IFT172: variants seen among roughly 807,000 people sequenced by gnomAD.
IFT172 encodes intraflagellar transport protein 172 homolog.
IFT172 carries 164 observed loss-of-function variants against 248.9 expected under a neutral mutation model. The observed-to-expected ratio is 0.66, with a 90% CI of 0.58 to 0.75. The LOEUF (loss-of-function observed/expected upper bound fraction) is 0.75. Ranked by LOEUF, IFT172 falls within the 30% of genes least tolerant of loss-of-function variation. The pLI, the probability that IFT172 is intolerant of heterozygous loss-of-function variation, is 0.00. For missense variants in IFT172, 1,950 were observed against 2,192.4 expected (o/e 0.89, Z 2.21); for synonymous variants, 729 against 791.6 (o/e 0.92, Z 1.33).
chr2:27,450,886 C>T (rs544789731), intron 35 of IFT172, among the ~76,000 whole-genome samples: 1 of 152,104 alleles, frequency 6.6e-6, no homozygotes, highest in East Asian at 1.9e-4. Context: ...ACCACTGCGC[C>T]CAGATGAAAT....
At chr2:27,456,331 T>C (rs1350337413) in intron 30 of IFT172, among the ~76,000 whole-genome samples, 180 bp downstream of exon 30, 2 of 152,240 alleles carry the variant, frequency 1.3e-5, no homozygotes, top group African/African-American at 2.4e-5. Context: ...CCACCCTTCT[T>C]AGAACAGCCA....
Position 27,445,162 on chromosome 2 carries a change from A to G in IFT172, c.5069-57T>C. 1 of 1,607,528 alleles carries G rather than the reference A, an allele frequency of 6.2e-7. No individual in the cohort carries two copies. The highest frequency in any genetic ancestry group is 1.7e-5 in the Admixed American group (1 of 59,142). On this transcript the variant is annotated intron_variant, in intron 46 of 47. Transcript: ENST00000260570. The surrounding 1 kb of genome is among the most constrained non-coding windows in gnomAD (Gnocchi z 4.4). ...TTTGAGAGAGATTGAGGAGGGAAAA[A>G]TGAGGAGCAGCCTGGGGGGTAGAAA...
rs202089120 is a variant in IFT172, at chr2:27,461,793, C to G, written c.2159G>C (p.Arg720Pro). Reference protein sequence around the residue: ...EAMGMYQELHRWDECIAVAEA... With the variant: ...EAMGMYQELHPWDECIAVAEA... ...AGCCACAGCGATACACTCATCCCAA[C>G]GGTGTAGCTCCTGGTACATGCCCAT... The change falls in exon 21 of 48, where the codon CGT (arginine) becomes CCT (proline). Residue 720 changes from arginine to proline, a missense_variant. Arg to Pro is a moderately radical substitution (Grantham distance 103). This residue lies in a region of IFT172 where 1,166 missense variants were observed against 1,254.1 expected (regional missense o/e 0.93). Transcript: ENST00000260570. 1 of 1,614,180 alleles carries G rather than the reference C, an allele frequency of 6.2e-7. No homozygotes were observed. Among genetic ancestry groups the G allele is most frequent in the Non-Finnish European group, 8.5e-7 (1 of 1,180,038 alleles).
Position 27,459,487 on chromosome 2 carries a change from G to C in IFT172, c.2678C>G (p.Ala893Gly), listed in dbSNP as rs772910546. The change falls in exon 25 of 48, where the codon GCC becomes GGC. Residue 893 changes from alanine (A) to glycine (G), a missense_variant. Physicochemically the swap from Ala to Gly is moderately conservative, Grantham distance 60. Around this residue, in one of 3 missense-constraint regions of IFT172, gnomAD observed 1,166 missense variants for 1,254.1 expected, o/e 0.93. Transcript: ENST00000260570. ...SIKAIEAALG[A>G]RQWKKAIYIL... is the part of the protein sequence containing the mutation. ...ATAAATTGCCTTCTTCCACTGGCGG[G>C]CACCCAGGGCGGCCTCAATTGCCTT... is the stretch of plus-strand genomic sequence containing the variant. 1 of 1,614,158 alleles carries C rather than the reference G, an allele frequency of 6.2e-7. No individual in the cohort carries two copies. Among genetic ancestry groups the C allele is most frequent in the East Asian group, 2.2e-5 (1 of 44,886 alleles).
At chr2:27,455,195 A>G (rs756975207) in intron 30 of IFT172, 10 of 325,234 alleles carry the variant, frequency 3.1e-5, no homozygotes, top group Non-Finnish European at 5.9e-5. Flanking sequence ...GCTCAAGAGC[A>G]TCAACAATGC....
At chr2:27,489,020 G>C (rs1668968611) in intron 1 of IFT172, among the ~76,000 whole-genome samples, 1 of 152,230 alleles carries the variant, frequency 6.6e-6, no homozygotes. Flanking sequence ...CTGGGCAACA[G>C]AGCAAAACTC....
At chr2:27,471,287 T>C (rs1667554561) in intron 15 of IFT172, 192 bp from the exon 16 acceptor site, 2 of 492,086 alleles carry the variant, frequency 4.1e-6, no homozygotes, top group Admixed American at 4.1e-5. Context: ...AGATGACCCA[T>C]AGAACAAAGA....
At chr2:27,465,292 G>A (rs1317046097) in intron 18 of IFT172, 119 bp downstream of exon 18, 3 of 782,490 alleles carry the variant, frequency 3.8e-6, no homozygotes, top group Admixed American at 1.9e-5. Flanking sequence ...TATGCTATTT[G>A]CTGGCAGTGG....
chr2:27,455,111 C>CT (rs1666042485), intron 30 of IFT172: 1 of 272,782 alleles, frequency 3.7e-6, no homozygotes, highest in Non-Finnish European at 7.2e-6. Context: ...ATAACAGTAG[C>CT]TTGAGAACAC....
At chr2:27,450,842 G>A (rs1180438836) in intron 35 of IFT172, among the ~76,000 whole-genome samples, 1 of 151,968 alleles carries the variant, frequency 6.6e-6, no homozygotes. Flanking sequence ...TCTGCCCACC[G>A]TGGCCTCCCA....
Position 27,477,408 on chromosome 2 carries a change from C to T in IFT172, c.1222-88G>A, listed in dbSNP as rs1668036696. The T allele has an allele frequency of 5.4e-6, 7 of 1,286,518 alleles. No individual in the cohort carries two copies. In the East Asian group the frequency reaches 1.2e-4, roughly 21 times the overall value. The allele number at this position is 1,286,518 out of a possible 1,614,324, so 79.7% of individuals were successfully genotyped here. ...TGTACTGTCAGTTCAAGGTGACTAC[C>T]ACTTTTCTCCTTGTTCTCTTACCCT... is the stretch of plus-strand genomic sequence containing the variant. On this transcript the variant is annotated intron_variant, in intron 12 of 47. Coordinates refer to ENST00000260570, the MANE Select transcript of IFT172 (RefSeq NM_015662.3).
At chr2:27,449,067 G>A in intron 39 of IFT172, 36 bp from the exon 40 acceptor site, 1 of 1,291,838 alleles carries the variant, frequency 7.7e-7, no homozygotes, top group Non-Finnish European at 1.1e-6. Context: ...GAGTGAGGCT[G>A]GGATCGGCAA....
intron 35 of IFT172, chr2:27,453,154 T>C: frequency 5.9e-6 from 4 of 673,138 alleles, no homozygotes; most frequent in Non-Finnish European, 8.4e-6. Flanking sequence ...AATTGAGCCA[T>C]TTATTGGTCT....
chr2:27,479,472 G>C (rs780114), intron 10 of IFT172, 37 bp downstream of exon 10: 3 of 1,154,668 alleles, frequency 2.6e-6, no homozygotes, highest in Middle Eastern at 1.9e-4. Flanking sequence ...AATGAGCCAC[G>C]CAAGTTCTCA....
intron 1 of IFT172, chr2:27,486,267 C>G (rs1302280910): frequency 6.0e-6 from 1 of 167,110 alleles, no homozygotes; most frequent in African/African-American, 2.4e-5. Context: ...AAGGGAGAGA[C>G]AGTGAGAGTT....
At chr2:27,472,451 G>A (rs1667643804) in intron 14 of IFT172, 89 bp from the exon 15 acceptor site, 2 of 978,564 alleles carry the variant, frequency 2.0e-6, no homozygotes, top group South Asian at 3.1e-5. Context: ...AGGATGCCTA[G>A]GAAGCTAGGT....
In IFT172 at chr2:27,478,136, T is replaced by C; in HGVS notation, c.1026A>G (p.Ser342=). ...ACTTGAGCACCACTCGGGTTCCTGA[T>C]GACAGGTTCTTCACAATCACCTTGG... ...GPSQVIVKNL[S]SGTRVVLKSH... The change falls in exon 11 of 48, where the codon TCA becomes TCG. Residue 342 remains serine (S), a synonymous_variant. Coordinates refer to ENST00000260570, the MANE Select transcript of IFT172 (RefSeq NM_015662.3). 6.2e-7 allele frequency: 1 copy of C among 1,614,188 alleles called. No homozygotes were observed. Among genetic ancestry groups the C allele is most frequent in the Non-Finnish European group, 8.5e-7 (1 of 1,180,034 alleles).
In IFT172 at chr2:27,476,714, A is replaced by G. The variant is rs61743327; in HGVS notation, c.1338T>C (p.Asn446=). 2,109 of 1,610,372 alleles carry G rather than the reference A, an allele frequency of 1.3e-3. 22 individuals carry two copies. The African/African-American group carries it at 0.025, about 19-fold the overall frequency. ...CTTCTGTTCCTCGCTGACACCTCTC[A>G]TTAATACGAACACTGAAACATGAAG... ...MNPHLISVRI[N]ERCQRGTEDN... is the part of the protein sequence containing the mutation. The change falls in exon 14 of 48, where the codon AAT becomes AAC. Residue 446 remains asparagine, a synonymous_variant. Coordinates refer to ENST00000260570, the MANE Select transcript of IFT172 (RefSeq NM_015662.3).
At position 27,461,490 on chromosome 2, in the gene IFT172, G is replaced by A. The variant is rs984586780; in HGVS notation, c.2221C>T (p.Arg741Cys). ...KGHPALEKLR[R>C]SYYQWLMDTQ... ...TCCATCAGCCACTGGTAGTAACTAC[G>A]ACGTAGCTTCTCCAGGGCTGGGTGC... Residue 741 changes from arginine to cysteine, a missense_variant, in exon 22 of 48, where the codon CGT becomes TGT. By Grantham distance (180) the Arg-to-Cys change is radical (BLOSUM62 -3). This residue lies in a region of IFT172 where 1,166 missense variants were observed against 1,254.1 expected (regional missense o/e 0.93). Coordinates refer to ENST00000260570, the MANE Select transcript of IFT172 (RefSeq NM_015662.3). The A allele has an allele frequency of 2.2e-5, 35 of 1,613,930 alleles. No individual in the cohort carries two copies. Among genetic ancestry groups the A allele is most frequent in the African/African-American group, 6.7e-5 (5 of 74,882 alleles).
Sources: gnomAD v4.1 joint callset for allele counts (sites outside exome capture counted in the v4.1 genomes callset) on GRCh38, gnomAD v4.1.1 for gene constraint, gnomAD v4.1.1 regional missense constraint, Gnocchi (gnomAD v3.1) non-coding constraint, MANE v1.5 for transcripts, NCBI Gene and HGNC (gene_info 2026-07-23, HGNC 2026-07-21) for gene names.